The following SATB2 variants were observed in gnomAD, a reference collection of about 807,000 sequenced individuals.
SATB2 encodes DNA-binding protein SATB2.
In SATB2, 1 loss-of-function variant was observed where a neutral mutation model predicts 73.4. The observed-to-expected ratio is 0.01, with a 90% CI of 0.00 to 0.06. The LOEUF (loss-of-function observed/expected upper bound fraction) is 0.06. SATB2 is among the 10% of genes least tolerant of loss of function. The probability of loss-of-function intolerance (pLI) is 1.00; values close to 1 mark genes in which losing one functional copy is unlikely to be tolerated. For missense variants in SATB2, 459 were observed against 945.8 expected (o/e 0.49, Z 6.75); for synonymous variants, 397 against 367.0 (o/e 1.08, Z -0.93).
At chr2:199,362,895 C>A (rs142873195) in intron 6 of SATB2, among the ~76,000 whole-genome samples, 388 of 152,268 alleles carry the variant, frequency 2.5e-3, no homozygotes, top group African/African-American at 8.9e-3. Flanking sequence ...GGAAATAGAT[C>A]ATTTTTCCCT....
intron 8 of SATB2, among the ~76,000 whole-genome samples, chr2:199,327,675 G>A (rs1299301089): frequency 6.6e-6 from 1 of 152,066 alleles, no homozygotes; most frequent in African/African-American, 2.4e-5. Context: ...GAGCTTTGAA[G>A]CACACATTAC....
At chr2:199,278,329 A>C (rs756383163) in intron 10 of SATB2, among the ~76,000 whole-genome samples, 4 of 152,260 alleles carry the variant, frequency 2.6e-5, no homozygotes, top group East Asian at 1.9e-4. Flanking sequence ...GCCACTAGCC[A>C]CATGTGGGTA....
At chr2:199,300,295 A>G (rs980426899) in intron 10 of SATB2, among the ~76,000 whole-genome samples, 4 of 151,958 alleles carry the variant, frequency 2.6e-5, no homozygotes, top group African/African-American at 9.7e-5. Context: ...AACAAATTCC[A>G]AAGCAATATT....
chr2:199,396,866 T>C (rs1405553096), intron 3 of SATB2: 1 of 152,178 alleles, frequency 6.6e-6, no homozygotes, highest in Non-Finnish European at 1.5e-5. Context: ...ACCGCCCTCA[T>C]CTTTTTTATT....
chr2:199,445,522 C>A (rs1279354999), intron 2 of SATB2, among the ~76,000 whole-genome samples: 1 of 152,140 alleles, frequency 6.6e-6, no homozygotes, highest in East Asian at 1.9e-4. Flanking sequence ...CAATGGTAAG[C>A]CCCAGTTTTG....
chr2:199,380,623 G>A, intron 4 of SATB2, 136 bp from the exon 5 acceptor site: 2 of 1,123,850 alleles, frequency 1.8e-6, no homozygotes, highest in Non-Finnish European at 2.6e-6. Context: ...TCTAAGTGAA[G>A]GAAGGGAAGT....
chr2:199,441,799 C>T (rs928505247), intron 2 of SATB2, among the ~76,000 whole-genome samples: 2 of 152,230 alleles, frequency 1.3e-5, no homozygotes, highest in African/African-American at 4.8e-5. Flanking sequence ...GAAGGAGAAA[C>T]TCCAGGTCTC....
intron 9 of SATB2, among the ~76,000 whole-genome samples, chr2:199,322,929 G>A (rs895979877): frequency 2.0e-5 from 3 of 152,044 alleles, no homozygotes; most frequent in African/African-American, 7.2e-5. Flanking sequence ...AGGACACAGA[G>A]GAAATCAAGC....
intron 3 of SATB2, among the ~76,000 whole-genome samples, chr2:199,422,376 A>G (rs564315707): frequency 2.4e-4 from 37 of 152,014 alleles, no homozygotes; most frequent in Non-Finnish European, 4.4e-4. Context: ...TAAGTTTATA[A>G]GGAGCTTATA....
intron 3 of SATB2, among the ~76,000 whole-genome samples, chr2:199,431,094 A>T (rs1221656908): frequency 6.6e-6 from 1 of 152,230 alleles, no homozygotes; most frequent in Non-Finnish European, 1.5e-5. Flanking sequence ...TGAAACAATC[A>T]ACAAAGTCAA....
intron 10 of SATB2, among the ~76,000 whole-genome samples, chr2:199,282,473 C>A (rs1234546697): frequency 6.6e-6 from 1 of 152,108 alleles, no homozygotes; most frequent in Non-Finnish European, 1.5e-5. Flanking sequence ...GTTTCTACTG[C>A]AAAACCACAA....
chr2:199,396,219 A>G (rs1029997621), intron 3 of SATB2: 2 of 152,334 alleles, frequency 1.3e-5, no homozygotes, highest in South Asian at 4.1e-4. Context: ...CCCACAAAAT[A>G]CAATCATTGG....
Position 199,455,642 on chromosome 2 carries a change from G to A in SATB2, c.169+227C>T, listed in dbSNP as rs1230431540. Among the ~76,000 whole-genome samples, 2 of 152,188 alleles carry A rather than the reference G, an allele frequency of 1.3e-5. No homozygotes were observed. Among genetic ancestry groups the A allele is most frequent in the African/African-American group, 2.4e-5 (1 of 41,448 alleles). On this transcript the variant is annotated intron_variant, in intron 2 of 10. Transcript: ENST00000417098. The surrounding 1 kb of genome is among the most constrained non-coding windows in gnomAD (Gnocchi z 4.1). ...ACCTGCCAACACCTCAGCACACAGTGGCAAAATGCCCAAAAAATGCCACCC... is the reference window on the plus strand; with the variant it reads ...ACCTGCCAACACCTCAGCACACAGTAGCAAAATGCCCAAAAAATGCCACCC...
chr2:199,274,859 G>A (rs1692263710), intron 10 of SATB2, among the ~76,000 whole-genome samples: 1 of 152,056 alleles, frequency 6.6e-6, no homozygotes, highest in Non-Finnish European at 1.5e-5. Context: ...ACTGGTGCTG[G>A]TCAGGTCCAC....
In SATB2 at chr2:199,407,957, A is replaced by G. The variant is rs1574599145; in HGVS notation, c.346+25381T>C. Among the ~76,000 whole-genome samples, 7 of 152,356 alleles carry G rather than the reference A, an allele frequency of 4.6e-5. 1 individual carries two copies. The highest frequency in any genetic ancestry group is 3.9e-4 in the Admixed American group (6 of 15,306). On this transcript the variant is annotated intron_variant, in intron 3 of 10. Coordinates refer to ENST00000417098, the MANE Select transcript of SATB2 (RefSeq NM_001172509.2). ...ATTAAAAAGTAAAAAAGTTCAGTCCACAGATGTAATCCCAAACCATGATCC... is the reference window on the plus strand; with the variant it reads ...ATTAAAAAGTAAAAAAGTTCAGTCCGCAGATGTAATCCCAAACCATGATCC...
At chr2:199,402,476 G>C (rs1054911822) in intron 3 of SATB2, among the ~76,000 whole-genome samples, 2 of 152,158 alleles carry the variant, frequency 1.3e-5, no homozygotes, top group African/African-American at 2.4e-5. Flanking sequence ...GAGAATCGCT[G>C]AACCCAGGAG....
intron 10 of SATB2, among the ~76,000 whole-genome samples, chr2:199,295,135 C>T (rs865885517): frequency 1.3e-5 from 2 of 151,958 alleles, no homozygotes; most frequent in African/African-American, 2.4e-5. Flanking sequence ...CATGTTTGAA[C>T]ATGAAGAAAT....
chr2:199,275,991 T>C (rs1692302485), intron 10 of SATB2, among the ~76,000 whole-genome samples: 1 of 152,210 alleles, frequency 6.6e-6, no homozygotes, highest in East Asian at 1.9e-4. Flanking sequence ...ACTATCTGTA[T>C]TCCCCTAAAA....
At chr2:199,362,322 T>A (rs903471410) in intron 6 of SATB2, among the ~76,000 whole-genome samples, 3 of 151,868 alleles carry the variant, frequency 2.0e-5, no homozygotes, top group African/African-American at 7.3e-5. Flanking sequence ...CACTTGTCCT[T>A]AAGGTATAAT....
Sources: gnomAD v4.1 joint callset for allele counts (sites outside exome capture counted in the v4.1 genomes callset) on GRCh38, gnomAD v4.1.1 for gene constraint, Gnocchi (gnomAD v3.1) non-coding constraint, MANE v1.5 for transcripts, NCBI Gene and HGNC (gene_info 2026-07-23, HGNC 2026-07-21) for gene names.